Variants in CHRNA7 observed in about 807,000 individuals in gnomAD.
The protein encoded by CHRNA7 is cholinergic receptor nicotinic alpha 7 subunit.
Under a neutral mutation model 48.0 loss-of-function variants are expected in CHRNA7, and 17 were observed. The ratio of observed to expected loss-of-function variants is 0.35; its 90% CI spans 0.24 to 0.53. The LOEUF (loss-of-function observed/expected upper bound fraction) is 0.53, where lower values mean the gene tolerates loss of function less well. Among genes scored for constraint, CHRNA7 ranks in the 20% least tolerant of loss-of-function variants. The pLI is 0.92. For synonymous variants in CHRNA7, 75 were observed against 242.3 expected, an observed-to-expected ratio of 0.31 and a Z score of 6.41; for missense variants, 155 against 577.7, an observed-to-expected ratio of 0.27 and a Z score of 7.50.
chr15:32,067,334 A>G (rs1295598514), intron 2 of CHRNA7, among the ~76,000 whole-genome samples: 4 of 152,256 alleles, frequency 2.6e-5, no homozygotes, highest in Non-Finnish European at 5.9e-5. Context: ...TGATTTCTCA[A>G]CAGAAACCAT....
At chr15:32,116,038 T>C (rs1397398926) in intron 4 of CHRNA7, among the ~76,000 whole-genome samples, 1 of 152,228 alleles carries the variant, frequency 6.6e-6, no homozygotes, top group Non-Finnish European at 1.5e-5. Context: ...ATACCGAATT[T>C]AATGCTTTCT....
At chr15:32,073,549 G>C (rs2050090392) in intron 2 of CHRNA7, among the ~76,000 whole-genome samples, 1 of 152,192 alleles carries the variant, frequency 6.6e-6, no homozygotes, top group Non-Finnish European at 1.5e-5. Context: ...AGGGGACCAA[G>C]TGCAGAATGA....
At chr15:32,081,371 G>A (rs963553245) in intron 2 of CHRNA7, among the ~76,000 whole-genome samples, 2 of 151,996 alleles carry the variant, frequency 1.3e-5, no homozygotes, top group Non-Finnish European at 2.9e-5. Flanking sequence ...TGGTATGTTA[G>A]GGGCTTATGT....
Position 32,030,560 on chromosome 15 carries a change from G to T in CHRNA7, c.-35G>T. 2 of 1,461,314 alleles carry T rather than the reference G, an allele frequency of 1.4e-6. No homozygotes were observed. The highest frequency in any genetic ancestry group is 2.7e-5 in the South Asian group (2 of 74,814). 90.5% of individuals were successfully genotyped at this position (1,461,314 alleles called of 1,614,324 possible). A position where few individuals can be genotyped will look rare whatever the true frequency, so the allele number is the denominator to read the frequency against. ...AGGCCCGGGCGACAGCCGAGACGTG[G>T]AGCGCGCCGGCTCGCTGCAGCTCCG... On this transcript the variant is annotated 5_prime_UTR_variant, in exon 1 of 10. Transcript: ENST00000306901.
At chr15:32,156,279 C>G (rs2051737208) in intron 5 of CHRNA7, 1 of 106,218 alleles carries the variant, frequency 9.4e-6, no homozygotes, top group Admixed American at 9.5e-5. Context: ...TTGGGGGGAT[C>G]CAACTATTAA....
chr15:32,079,338 A>T (rs925992008), intron 2 of CHRNA7, among the ~76,000 whole-genome samples: 3 of 152,218 alleles, frequency 2.0e-5, no homozygotes, highest in African/African-American at 4.8e-5. Context: ...AGGGTATTCA[A>T]ATAGGAAGAG....
At chr15:32,073,771 A>G (rs1009504178) in intron 2 of CHRNA7, among the ~76,000 whole-genome samples, 2 of 152,138 alleles carry the variant, frequency 1.3e-5, no homozygotes, top group African/African-American at 4.8e-5. Context: ...CTTTTGCCAT[A>G]TGACACACCT....
intron 2 of CHRNA7, among the ~76,000 whole-genome samples, chr15:32,048,058 C>T (rs925661385): frequency 2.6e-5 from 4 of 152,164 alleles, no homozygotes; most frequent in African/African-American, 9.7e-5. Flanking sequence ...TGATGTGCTG[C>T]TGGATTCCGT....
chr15:32,124,380 A>T (rs2051029271), intron 4 of CHRNA7, among the ~76,000 whole-genome samples: 1 of 152,254 alleles, frequency 6.6e-6, no homozygotes, highest in Non-Finnish European at 1.5e-5. Context: ...ACTGCAAAAA[A>T]TACAGTCAAT....
At chr15:32,075,182 A>G (rs2050118630) in intron 2 of CHRNA7, among the ~76,000 whole-genome samples, 1 of 151,922 alleles carries the variant, frequency 6.6e-6, no homozygotes, top group African/African-American at 2.4e-5. Context: ...TTTCTTTTTT[A>G]TACTTTCTTT....
chr15:32,064,670 A>G (rs1395703171), intron 2 of CHRNA7, among the ~76,000 whole-genome samples: 4 of 152,130 alleles, frequency 2.6e-5, no homozygotes, highest in Non-Finnish European at 4.4e-5. Flanking sequence ...TTTCCCAGAG[A>G]AAATTTTTCT....
At chr15:32,104,822 A>G (rs2050635524) in intron 3 of CHRNA7, among the ~76,000 whole-genome samples, 3 of 152,070 alleles carry the variant, frequency 2.0e-5, no homozygotes, top group Non-Finnish European at 2.9e-5. Flanking sequence ...TTCCCTTTTT[A>G]ATTAAAGTTG....
chr15:32,090,739 T>G (rs2050370277), intron 2 of CHRNA7, among the ~76,000 whole-genome samples: 1 of 152,218 alleles, frequency 6.6e-6, no homozygotes, highest in Non-Finnish European at 1.5e-5. Flanking sequence ...GAGGTTTGAA[T>G]TAGTCTTTGA....
At chr15:32,053,407 G>C (rs1335087954) in intron 2 of CHRNA7, among the ~76,000 whole-genome samples, 2 of 152,148 alleles carry the variant, frequency 1.3e-5, no homozygotes. Context: ...CAAAGAAGAG[G>C]GAAGTCATTT....
At chr15:32,130,340 A>G (rs1176766330) in intron 4 of CHRNA7, among the ~76,000 whole-genome samples, 2 of 151,940 alleles carry the variant, frequency 1.3e-5, no homozygotes, top group East Asian at 3.9e-4. Flanking sequence ...TTCTGGGGTC[A>G]TGTATTTTGA....
intron 2 of CHRNA7, among the ~76,000 whole-genome samples, chr15:32,047,836 A>G (rs1382594695): frequency 6.6e-6 from 1 of 152,174 alleles, no homozygotes; most frequent in Non-Finnish European, 1.5e-5. Flanking sequence ...TTATTTTGAG[A>G]TACATCCCAT....
intron 2 of CHRNA7, among the ~76,000 whole-genome samples, chr15:32,089,568 A>G (rs1337105193): frequency 1.4e-3 from 2 of 1,424 alleles, no homozygotes; most frequent in Admixed American, 0.019. Context: ...TCTTTCTGAG[A>G]GTTTCTGCTG....
chr15:32,140,153 A>G (rs930784794), intron 4 of CHRNA7, among the ~76,000 whole-genome samples: 9 of 136,962 alleles, frequency 6.6e-5, no homozygotes, highest in African/African-American at 1.7e-4. Flanking sequence ...GTTCCCGTCT[A>G]TGAATGAGAA....
intron 2 of CHRNA7, among the ~76,000 whole-genome samples, chr15:32,086,191 A>C (rs537076293): frequency 1.3e-4 from 20 of 151,958 alleles, no homozygotes; most frequent in Admixed American, 1.2e-3. Context: ...AACATGGTGA[A>C]ACCCCGTCTC....
Sources: gnomAD v4.1 joint callset for allele counts (sites outside exome capture counted in the v4.1 genomes callset) on GRCh38, gnomAD v4.1.1 for gene constraint, MANE v1.5 for transcripts, NCBI Gene and HGNC (gene_info 2026-07-23, HGNC 2026-07-21) for gene names.